SORCS1: variants seen among roughly 807,000 people sequenced by gnomAD.
The protein encoded by SORCS1 is sortilin related VPS10 domain containing receptor 1.
In SORCS1, 60 loss-of-function variants were observed where a neutral mutation model predicts 146.1. That is an observed-to-expected ratio of 0.41 (90% CI 0.33 to 0.51). SORCS1 has a LOEUF of 0.51. Among genes scored for constraint, SORCS1 ranks in the 20% least tolerant of loss-of-function variants. SORCS1 has a pLI of 0.21. For synonymous variants in SORCS1, 637 were observed against 584.0 expected (o/e 1.09, Z -1.31); for missense variants, 1,352 against 1,487.6 (o/e 0.91, Z 1.50).
chr10:107,086,355 TC>T (rs1440897457), intron 1 of SORCS1, among the ~76,000 whole-genome samples: 2 of 152,168 alleles, frequency 1.3e-5, no homozygotes, highest in Non-Finnish European at 2.9e-5. Context: ...ATACCTAACC[TC>T]ATTTAAAGAC....
At chr10:106,578,722 C>T (rs968996561) in intron 25 of SORCS1, 8 of 1,092,320 alleles carry the variant, frequency 7.3e-6, no homozygotes, top group African/African-American at 1.7e-5. Context: ...GTCCTGCAAA[C>T]CCTGCCCAGC....
chr10:107,155,897 C>T (rs2134873155), intron 1 of SORCS1, among the ~76,000 whole-genome samples: 1 of 152,256 alleles, frequency 6.6e-6, no homozygotes, highest in African/African-American at 2.4e-5. Flanking sequence ...ACGTTGTGCA[C>T]ACTGTCACTG....
chr10:106,705,416 C>T (rs568951000), intron 8 of SORCS1, among the ~76,000 whole-genome samples: 12 of 152,062 alleles, frequency 7.9e-5, no homozygotes, highest in South Asian at 2.1e-4. Flanking sequence ...GGAGAGGAGG[C>T]GTGCTGTGTC....
At chr10:106,998,799 C>T (rs1054606214) in intron 1 of SORCS1, among the ~76,000 whole-genome samples, 3 of 152,200 alleles carry the variant, frequency 2.0e-5, no homozygotes, top group African/African-American at 4.8e-5. Flanking sequence ...CTCTCTGATA[C>T]ACTGAGCTCC....
rs762482841 is a variant in SORCS1, at chr10:107,164,130, T to C, written c.397A>G (p.Arg133Gly). ...GASRSPRGVL[R>G]DGGQQEPGTR... Reference sequence around the variant, plus strand: ...CCAGGCTCCTGCTGCCCTCCATCTCTTAGCACTCCCCGGGGGCTCCGACTC... The same window carrying C: ...CCAGGCTCCTGCTGCCCTCCATCTCCTAGCACTCCCCGGGGGCTCCGACTC... Residue 133 changes from arginine to glycine, a missense_variant, in exon 1 of 26, where the codon AGA becomes GGA. Around this residue, in one of 3 missense-constraint regions of SORCS1, gnomAD observed 490 missense variants for 489.1 expected, o/e 1.00. Transcript: ENST00000263054. This position sits in a 1 kb window ranked among gnomAD's most constrained non-coding sequence, Gnocchi z 6.8. 6.2e-7 allele frequency: 1 copy of C among 1,613,588 alleles called. No homozygotes were observed. The highest frequency in any genetic ancestry group is 8.5e-7 in the Non-Finnish European group (1 of 1,179,982).
At chr10:106,995,183 G>C (rs548696699) in intron 1 of SORCS1, among the ~76,000 whole-genome samples, 1 of 151,812 alleles carries the variant, frequency 6.6e-6, no homozygotes, top group African/African-American at 2.4e-5. Flanking sequence ...GCGTGGTGGC[G>C]GGCGCCTGTA....
At chr10:107,018,040 G>A (rs2139813974) in intron 1 of SORCS1, among the ~76,000 whole-genome samples, 1 of 152,242 alleles carries the variant, frequency 6.6e-6, no homozygotes, top group East Asian at 1.9e-4. Context: ...CCTATACCCA[G>A]AGGAAATGAA....
At chr10:106,888,743 A>AT (rs1455961362) in intron 2 of SORCS1, among the ~76,000 whole-genome samples, 22 of 152,246 alleles carry the variant, frequency 1.4e-4, no homozygotes, top group Non-Finnish European at 3.1e-4. Flanking sequence ...TATAACCAAC[A>AT]GTGCAAAGCA....
At chr10:106,890,703 G>A (rs1266963949) in intron 2 of SORCS1, among the ~76,000 whole-genome samples, 1 of 152,112 alleles carries the variant, frequency 6.6e-6, no homozygotes, top group African/African-American at 2.4e-5. Flanking sequence ...AAATCCACTC[G>A]TGGCTTACGA....
the SORCS1 span, among the ~76,000 whole-genome samples, chr10:107,171,292 G>A: frequency 6.6e-6 from 1 of 152,152 alleles, no homozygotes. Context: ...AACGCAGAAG[G>A]TTCACTCTGG....
At chr10:106,734,665 GCCGT>G (rs1051129528) in intron 5 of SORCS1, among the ~76,000 whole-genome samples, 2 of 152,018 alleles carry the variant, frequency 1.3e-5, no homozygotes, top group African/African-American at 4.8e-5. Flanking sequence ...ACATCTCTGT[GCCGT>G]CACTTTTTTA....
chr10:106,913,421 C>A (rs778460996), intron 2 of SORCS1, among the ~76,000 whole-genome samples: 3 of 152,168 alleles, frequency 2.0e-5, no homozygotes, highest in Non-Finnish European at 4.4e-5. Flanking sequence ...GACCCAGGAA[C>A]TGACTTCATG....
At chr10:107,142,436 G>A (rs1432231903) in intron 1 of SORCS1, among the ~76,000 whole-genome samples, 2 of 152,176 alleles carry the variant, frequency 1.3e-5, no homozygotes, top group South Asian at 2.1e-4. Context: ...CACTTCTCAA[G>A]TACTAGTGTG....
In SORCS1 at chr10:107,060,828, T is replaced by TA. The variant is rs1285039059; in HGVS notation, c.558+103140dup. ...TTTCAATGAGATTTTTAAGGAGCTT[T>TA]AAAAAATCATATTTTAGTTAATTTT... On this transcript the variant is annotated intron_variant, in intron 1 of 25. Coordinates refer to ENST00000263054, the MANE Select transcript of SORCS1 (RefSeq NM_052918.5). This position sits in a 1 kb window ranked among gnomAD's most constrained non-coding sequence, Gnocchi z 4.1. Among the ~76,000 whole-genome samples the TA allele has an allele frequency of 2.0e-5, 3 of 152,304 alleles. No individual in the cohort carries two copies. The highest frequency in any genetic ancestry group is 7.2e-5 in the African/African-American group (3 of 41,574).
At chr10:107,067,100 A>C (rs1010328070) in intron 1 of SORCS1, among the ~76,000 whole-genome samples, 2 of 152,160 alleles carry the variant, frequency 1.3e-5, no homozygotes, top group South Asian at 4.1e-4. Context: ...TCAAACTCAT[A>C]CTGGAGATGA....
At chr10:106,864,072 T>C (rs891863475) in intron 2 of SORCS1, among the ~76,000 whole-genome samples, 3 of 152,172 alleles carry the variant, frequency 2.0e-5, no homozygotes, top group Non-Finnish European at 4.4e-5. Flanking sequence ...CTGTGTGAAG[T>C]TAATTCAATT....
chr10:107,019,662 C>A (rs1415649349), intron 1 of SORCS1, among the ~76,000 whole-genome samples: 1 of 152,136 alleles, frequency 6.6e-6, no homozygotes, highest in African/African-American at 2.4e-5. Context: ...AGGGGAAATG[C>A]CATTCAATCA....
chr10:107,157,220 A>T (rs568213354), intron 1 of SORCS1, among the ~76,000 whole-genome samples: 36 of 151,554 alleles, frequency 2.4e-4, no homozygotes, highest in African/African-American at 8.5e-4. Context: ...AAGGCTAGGG[A>T]GCAGCTGTGT....
intron 1 of SORCS1, among the ~76,000 whole-genome samples, chr10:107,136,781 C>A (rs1375354340): frequency 6.6e-6 from 1 of 152,150 alleles, no homozygotes; most frequent in African/African-American, 2.4e-5. Flanking sequence ...CAAGCACACG[C>A]TATGTGATCT....
Sources: allele counts gnomAD v4.1 joint callset (sites outside exome capture counted in the v4.1 genomes callset), GRCh38; gene constraint gnomAD v4.1.1; regional missense constraint gnomAD v4.1.1; non-coding constraint Gnocchi (gnomAD v3.1); transcripts MANE v1.5; gene names NCBI Gene and HGNC (gene_info 2026-07-23, HGNC 2026-07-21).